CCDC163: variants seen among roughly 807,000 people sequenced by gnomAD.
The protein encoded by CCDC163 is CCDC163 homolog, also known as transmembrane protein CCDC163.
In CCDC163, 13 loss-of-function variants were observed where a neutral mutation model predicts 8.2. The ratio of observed to expected loss-of-function variants is 1.59; its 90% CI spans 1.04 to 2.54. The LOEUF (loss-of-function observed/expected upper bound fraction) is 2.54, where lower values mean the gene tolerates loss of function less well. Ranked by LOEUF, CCDC163 falls within the 30% of genes most tolerant of loss-of-function variation. The pLI is 0.00. For synonymous variants in CCDC163, 41 were observed against 30.9 expected (o/e 1.33, Z -1.08); for missense variants, 117 against 78.6 (o/e 1.49, Z -1.85).
At position 45,499,693 on chromosome 1, in the gene CCDC163, C is replaced by A. The variant is rs1643487885; in HGVS notation, c.-84G>T. The A allele has an allele frequency of 1.4e-6, 1 of 696,174 alleles. No homozygotes were observed. Among genetic ancestry groups the A allele is most frequent in the Non-Finnish European group, 2.7e-6 (1 of 375,750 alleles). The allele number at this position is 696,174 out of a possible 1,614,324, so 43.1% of individuals were successfully genotyped here. On this transcript the variant is annotated 5_prime_UTR_variant, in exon 1 of 5. Coordinates refer to ENST00000629482, the MANE Select transcript of CCDC163 (RefSeq NM_001102601.3). ...TAGCGGGGGATACCCAAGGTATCCC[C>A]AGGAAAGGCCACCACGTTAGATGGA...
chr1:45,495,529 C>A (rs2149314467), intron 4 of CCDC163: 1 of 702,582 alleles, frequency 1.4e-6, no homozygotes, highest in Non-Finnish European at 2.6e-6. Flanking sequence ...TTAGATTGGA[C>A]AACATGAATG....
At chr1:45,496,769 A>G in intron 3 of CCDC163, 146 bp from the exon 4 acceptor site, 1 of 622,830 alleles carries the variant, frequency 1.6e-6, no homozygotes, top group South Asian at 1.9e-5. Context: ...GAAGAGATTA[A>G]ACTCACACCA....
chr1:45,496,816 C>T (rs1006656408), intron 3 of CCDC163, among the ~76,000 whole-genome samples, 193 bp from the exon 4 acceptor site: 2 of 152,248 alleles, frequency 1.3e-5, no homozygotes, highest in African/African-American at 4.8e-5. Flanking sequence ...CTTGGCCACA[C>T]TTCTCAGTAG....
chr1:45,496,969 C>T (rs991595833), intron 3 of CCDC163, among the ~76,000 whole-genome samples: 1 of 151,982 alleles, frequency 6.6e-6, no homozygotes, highest in Non-Finnish European at 1.5e-5. Flanking sequence ...GAGACCAGCT[C>T]GGCCAACATG....
chr1:45,499,634 G>A lies in CCDC163; in HGVS notation c.-25C>T, dbSNP rs762520120. The A allele has an allele frequency of 2.7e-6, 2 of 748,670 alleles. No homozygotes were observed. The highest frequency in any genetic ancestry group is 1.9e-5 in the Admixed American group (1 of 53,448). The allele number at this position is 748,670 out of a possible 1,614,324, so 46.4% of individuals were successfully genotyped here. On this transcript the variant is annotated 5_prime_UTR_variant, in exon 1 of 5. Coordinates refer to ENST00000629482, the MANE Select transcript of CCDC163 (RefSeq NM_001102601.3). ...TATCCTGTGGCAGGGGAGCGGCAGG[G>A]GTCTGGCTCCCTGGTGTCTTGTGCT... is the stretch of plus-strand genomic sequence containing the variant.
Position 45,499,431 on chromosome 1 carries a change from G to C in CCDC163, c.91C>G (p.Pro31Ala). 2.6e-6 allele frequency: 2 copies of C among 778,094 alleles called. No homozygotes were observed. The highest frequency in any genetic ancestry group is 4.8e-6 in the Non-Finnish European group (2 of 416,902). The allele number at this position is 778,094 out of a possible 1,614,324, so 48.2% of individuals were successfully genotyped here. ...ATGAGCTCTGTGGAGACCCCAAGAG[G>C]ATACAGCCACTGCTACAAAAGAAAC... Reference protein sequence around the residue: ...NVVRNKQWLYPLGVSTELIGL... With the variant: ...NVVRNKQWLYALGVSTELIGL... The change falls in exon 2 of 5, where the codon CCT becomes GCT. Residue 31 changes from proline to alanine, a missense_variant. By Grantham distance (27) the Pro-to-Ala change is conservative. Transcript: ENST00000629482.
In CCDC163 at chr1:45,496,554, A is replaced by G; in HGVS notation, c.330+2T>C. ...CAGAGACAAGTCTGAACCTAGTCCT[A>G]CCTTCCAACTGCCAACCTGAGCCTG... On this transcript the variant is annotated splice_donor_variant, in intron 4 of 4. Transcript: ENST00000629482. LOFTEE classifies it high-confidence loss of function. 2 of 780,556 alleles carry G rather than the reference A, an allele frequency of 2.6e-6. No individual in the cohort carries two copies. Among genetic ancestry groups the G allele is most frequent in the Middle Eastern group, 4.5e-4 (2 of 4,442 alleles). The allele number at this position is 780,556 out of a possible 1,614,324, so 48.4% of individuals were successfully genotyped here. A position where few individuals can be genotyped will look rare whatever the true frequency, so the allele number is the denominator to read the frequency against.
rs767430440 is a variant in CCDC163 at position 45,495,477 on chromosome 1, G to A, written c.331-311C>T. On this transcript the variant is annotated intron_variant, in intron 4 of 4. Transcript: ENST00000629482. Reference sequence around the variant, plus strand: ...GTCCAGAAGACTGAATTAAGAGCTGGATGAAGAAACAGACATGGTGAAGGT... The same window carrying A: ...GTCCAGAAGACTGAATTAAGAGCTGAATGAAGAAACAGACATGGTGAAGGT... 533 of 702,848 alleles carry A rather than the reference G, an allele frequency of 7.6e-4. 1 individual carries two copies. Among genetic ancestry groups the A allele is most frequent in the Non-Finnish European group, 1.2e-3 (465 of 384,842 alleles). The allele number at this position is 702,848 out of a possible 1,614,324, so 43.5% of individuals were successfully genotyped here.
chr1:45,494,857 T>C lies in CCDC163; in HGVS notation c.*202A>G, dbSNP rs1356844658. On this transcript the variant is annotated 3_prime_UTR_variant, in exon 5 of 5. Coordinates refer to ENST00000629482, the MANE Select transcript of CCDC163 (RefSeq NM_001102601.3). ...TACTTGGGAGGCTGAGGCAGGACAATTGCTTGAACCTGGGAGGCGGAGGTT... is the reference window on the plus strand; with the variant it reads ...TACTTGGGAGGCTGAGGCAGGACAACTGCTTGAACCTGGGAGGCGGAGGTT... 3.5e-6 allele frequency: 2 copies of C among 571,322 alleles called. No individual in the cohort carries two copies. Among genetic ancestry groups the C allele is most frequent in the South Asian group, 2.1e-5 (1 of 48,362 alleles). The allele number at this position is 571,322 out of a possible 1,614,324, so 35.4% of individuals were successfully genotyped here. A position where few individuals can be genotyped will look rare whatever the true frequency, so the allele number is the denominator to read the frequency against.
At chr1:45,497,653 T>C (rs1309283152) in intron 2 of CCDC163, among the ~76,000 whole-genome samples, 21 of 97,940 alleles carry the variant, frequency 2.1e-4, no homozygotes, top group African/African-American at 3.3e-4. Context: ...CGCCACCCCG[T>C]CTGGGAAGTG....
chr1:45,497,212 T>G (rs1230859370), intron 3 of CCDC163, 87 bp downstream of exon 3: 10 of 638,912 alleles, frequency 1.6e-5, no homozygotes, highest in Non-Finnish European at 2.3e-5. Flanking sequence ...AGAATAAAAA[T>G]AAATAAAAAT....
At chr1:45,495,479 T>A (rs907030620) in intron 4 of CCDC163, 2 of 702,778 alleles carry the variant, frequency 2.8e-6, no homozygotes, top group Non-Finnish European at 5.2e-6. Flanking sequence ...AAGAGCTGGA[T>A]GAAGAAACAG....
intron 2 of CCDC163, among the ~76,000 whole-genome samples, chr1:45,499,115 G>A (rs948929997): frequency 6.6e-6 from 1 of 152,194 alleles, no homozygotes; most frequent in Non-Finnish European, 1.5e-5. Flanking sequence ...AAAGCCCAAG[G>A]CTGTTGAGCT....
chr1:45,497,908 G>T (rs369829302), intron 2 of CCDC163, among the ~76,000 whole-genome samples: 4 of 147,382 alleles, frequency 2.7e-5, no homozygotes, highest in African/African-American at 1.0e-4. Context: ...GAACGGGCCA[G>T]GATGACAATG....
chr1:45,500,057 A>G lies in CCDC163; in HGVS notation c.-448T>C, dbSNP rs1643503694. The G allele has an allele frequency of 3.3e-5, 18 of 549,250 alleles. No homozygotes were observed. In the South Asian group the frequency reaches 3.3e-4, roughly 10 times the overall value. The allele number at this position is 549,250 out of a possible 1,614,324, so 34.0% of individuals were successfully genotyped here. A position where few individuals can be genotyped will look rare whatever the true frequency, so the allele number is the denominator to read the frequency against. ...TCGCCTCTTGCGAACACAACCGGCG[A>G]TGGAGGCGGTGGAACTACCTTTCTC... On this transcript the variant is annotated 5_prime_UTR_variant, in exon 1 of 5. Coordinates refer to ENST00000629482, the MANE Select transcript of CCDC163 (RefSeq NM_001102601.3).
intron 4 of CCDC163, among the ~76,000 whole-genome samples, chr1:45,495,763 T>A (rs1448607445): frequency 6.7e-6 from 1 of 149,682 alleles, no homozygotes; most frequent in Admixed American, 6.7e-5. Flanking sequence ...ACCTCCTGGG[T>A]TCAAGTGATT....
chr1:45,497,283 A>G lies in CCDC163; in HGVS notation c.262+16T>C, dbSNP rs776774663. On this transcript the variant is annotated intron_variant, in intron 3 of 4. Coordinates refer to ENST00000629482, the MANE Select transcript of CCDC163 (RefSeq NM_001102601.3). The stretch of plus-strand genomic sequence containing the variant: ...ACAAGGAAACGCATATTCGCCCCCA[A>G]CCACCTTTTACTTACTCAACTGGTA... 1.3e-6 allele frequency: 1 copy of G among 774,376 alleles called. No homozygotes were observed. Among genetic ancestry groups the G allele is most frequent in the Non-Finnish European group, 2.4e-6 (1 of 414,056 alleles). 48.0% of individuals were successfully genotyped at this position (774,376 alleles called of 1,614,324 possible). A position where few individuals can be genotyped will look rare whatever the true frequency, so the allele number is the denominator to read the frequency against.
intron 2 of CCDC163, among the ~76,000 whole-genome samples, chr1:45,497,714 GTCAGCCCCCCGCCA>G (rs1557600502): frequency 6.9e-5 from 3 of 43,676 alleles, no homozygotes; most frequent in African/African-American, 2.0e-4. Context: ...GGTGGAGGGG[GTCAGCCCCCCGCCA>G]GGCCAGCCGC....
In CCDC163 at chr1:45,497,312, C is replaced by T. The variant is rs762885355; in HGVS notation, c.249G>A (p.Leu83=). The T allele has an allele frequency of 3.8e-6, 3 of 779,968 alleles. No individual in the cohort carries two copies. Among genetic ancestry groups the T allele is most frequent in the African/African-American group, 3.4e-5 (2 of 59,098 alleles). The allele number at this position is 779,968 out of a possible 1,614,324, so 48.3% of individuals were successfully genotyped here. Residue 83 remains leucine, a synonymous_variant, in exon 3 of 5, where the codon CTG becomes CTA. Coordinates refer to ENST00000629482, the MANE Select transcript of CCDC163 (RefSeq NM_001102601.3). The part of the protein sequence containing the change: ...SEIMQKELKL[L]QYQLSQHQEL... The stretch of plus-strand genomic sequence containing the variant: ...CCTTTTACTTACTCAACTGGTACTG[C>T]AGCAACTTCAATTCCTTCTGCATAA...
Sources: gnomAD v4.1 joint callset for allele counts (sites outside exome capture counted in the v4.1 genomes callset) on GRCh38, gnomAD v4.1.1 for gene constraint, MANE v1.5 for transcripts, NCBI Gene and HGNC (gene_info 2026-07-23, HGNC 2026-07-21) for gene names.